Variants in GALNT11 observed in about 807,000 individuals in gnomAD.
GALNT11 encodes polypeptide N-acetylgalactosaminyltransferase 11, also known as UDP-GalNAc:polypeptide N-acetylgalactosaminyltransferase 11.
GALNT11 carries 47 observed loss-of-function variants against 72.7 expected under a neutral mutation model. That is an observed-to-expected ratio of 0.65 (90% CI 0.51 to 0.82). GALNT11 has a LOEUF of 0.82. GALNT11 is among the 40% of genes least tolerant of loss of function. The pLI is 0.00. For synonymous variants in GALNT11, 270 were observed against 286.6 expected (o/e 0.94, Z 0.58); for missense variants, 677 against 778.4 (o/e 0.87, Z 1.55).
At chr7:152,084,675 A>G (rs1296024030) in intron 1 of GALNT11, among the ~76,000 whole-genome samples, 1 of 152,170 alleles carries the variant, frequency 6.6e-6, no homozygotes, top group African/African-American at 2.4e-5. Flanking sequence ...ACTCTTCTCT[A>G]AGATTTCGCA....
intron 1 of GALNT11, among the ~76,000 whole-genome samples, chr7:152,031,711 A>G (rs1052321621): frequency 2.0e-5 from 3 of 152,206 alleles, no homozygotes; most frequent in Non-Finnish European, 4.4e-5. Flanking sequence ...TCTGTGATGT[A>G]TAAAGAGAAG....
chr7:152,121,751 C>T lies in GALNT11; in HGVS notation c.*74C>T. Reference sequence around the variant, plus strand: ...GTGGAGTTTGGGGCTTTAGGAAAGCCTGGGTTGGGTGGAGCAGAACCATCT... The same window carrying T: ...GTGGAGTTTGGGGCTTTAGGAAAGCTTGGGTTGGGTGGAGCAGAACCATCT... On this transcript the variant is annotated 3_prime_UTR_variant, in exon 12 of 12. Coordinates refer to ENST00000430044, the MANE Select transcript of GALNT11 (RefSeq NM_022087.4). The T allele has an allele frequency of 1.9e-6, 3 of 1,553,720 alleles. No individual in the cohort carries two copies. The highest frequency in any genetic ancestry group is 2.6e-6 in the Non-Finnish European group (3 of 1,145,198).
At chr7:152,030,818 T>C (rs2082272957) in intron 1 of GALNT11, among the ~76,000 whole-genome samples, 1 of 152,192 alleles carries the variant, frequency 6.6e-6, no homozygotes, top group Admixed American at 6.5e-5. Context: ...TCTCTGATTT[T>C]CTGTTTCTTT....
chr7:152,118,917 C>T (rs2089155298), intron 10 of GALNT11, 135 bp downstream of exon 10: 13 of 607,596 alleles, frequency 2.1e-5, no homozygotes, highest in Non-Finnish European at 3.0e-5. Context: ...TGTAGTGTTG[C>T]GTTATTGGAA....
intron 1 of GALNT11, among the ~76,000 whole-genome samples, chr7:152,063,412 G>C (rs901015432): frequency 2.0e-5 from 3 of 152,124 alleles, no homozygotes; most frequent in Non-Finnish European, 2.9e-5. Flanking sequence ...CAAAAAACCA[G>C]CTCCTGGATT....
intron 1 of GALNT11, among the ~76,000 whole-genome samples, chr7:152,029,351 C>T (rs985756826): frequency 6.6e-6 from 1 of 152,156 alleles, no homozygotes; most frequent in Non-Finnish European, 1.5e-5. Context: ...TATTCCAGTT[C>T]CTGTAGCAGT....
intron 1 of GALNT11, among the ~76,000 whole-genome samples, chr7:152,058,089 G>C (rs2083788067): frequency 6.6e-6 from 1 of 151,980 alleles, no homozygotes; most frequent in Non-Finnish European, 1.5e-5. Context: ...ACATTTTTTG[G>C]GGGGGTGCAT....
At chr7:152,089,643 C>A (rs1395321978) in intron 1 of GALNT11, among the ~76,000 whole-genome samples, 2 of 152,174 alleles carry the variant, frequency 1.3e-5, no homozygotes, top group Non-Finnish European at 2.9e-5. Flanking sequence ...GGGGCATAGG[C>A]TGCGAGCTGG....
chr7:152,084,017 T>C (rs1333573104), intron 1 of GALNT11, among the ~76,000 whole-genome samples: 5 of 152,232 alleles, frequency 3.3e-5, no homozygotes, highest in African/African-American at 1.2e-4. Flanking sequence ...GAAATCAATG[T>C]TATGTTCATT....
intron 1 of GALNT11, among the ~76,000 whole-genome samples, chr7:152,032,507 G>A (rs960991160): frequency 5.3e-5 from 8 of 151,030 alleles, no homozygotes; most frequent in Non-Finnish European, 1.0e-4. Flanking sequence ...CTGACCGTTC[G>A]GTTTTTGTAC....
chr7:152,033,516 G>A (rs373406348), intron 1 of GALNT11, among the ~76,000 whole-genome samples: 29 of 152,242 alleles, frequency 1.9e-4, no homozygotes, highest in African/African-American at 5.8e-4. Context: ...TGATATCCAC[G>A]GCTGATTGGG....
At chr7:152,050,618 G>A (rs545078845) in intron 1 of GALNT11, among the ~76,000 whole-genome samples, 1 of 152,128 alleles carries the variant, frequency 6.6e-6, no homozygotes, top group Non-Finnish European at 1.5e-5. Flanking sequence ...CACTCCCTTG[G>A]TGGTCCTGCT....
intron 8 of GALNT11, among the ~76,000 whole-genome samples, chr7:152,114,692 G>A (rs1334016406): frequency 2.0e-5 from 3 of 152,052 alleles, no homozygotes; most frequent in African/African-American, 4.8e-5. Flanking sequence ...TCAGCCTCCC[G>A]AGTAGCTGGG....
rs564539346 is a variant in GALNT11, at chr7:152,028,549, C to T, written c.-39+2665C>T. Among the ~76,000 whole-genome samples, 4 of 151,912 alleles carry T rather than the reference C, an allele frequency of 2.6e-5. No individual in the cohort carries two copies. In the South Asian group the frequency reaches 8.3e-4, roughly 32 times the overall value. On this transcript the variant is annotated intron_variant, in intron 1 of 11. Coordinates refer to ENST00000430044, the MANE Select transcript of GALNT11 (RefSeq NM_022087.4). ...CCTACCCGATTAGCTAGACACAGAG[C>T]ACTGATTGGTGTGTTTACAAACCTT...
rs6942391 is a variant in GALNT11, at chr7:152,055,569, A to G, written c.-39+29685A>G. Among the ~76,000 whole-genome samples, 328 of 133,510 alleles carry G rather than the reference A, an allele frequency of 2.5e-3. 1 individual carries two copies. The highest frequency in any genetic ancestry group is 0.019 in the Middle Eastern group (5 of 268). The allele number at this position is 133,510 out of a possible 152,430, so 87.6% of individuals were successfully genotyped here. A position where few individuals can be genotyped will look rare whatever the true frequency, so the allele number is the denominator to read the frequency against. On this transcript the variant is annotated intron_variant, in intron 1 of 11. Coordinates refer to ENST00000430044, the MANE Select transcript of GALNT11 (RefSeq NM_022087.4). ...TGTGTGTGTGTGTGTGTGTGTGTGT[A>G]TATATACATATATATATATACACAC...
intron 1 of GALNT11, among the ~76,000 whole-genome samples, chr7:152,027,434 C>T (rs192590910): frequency 3.0e-4 from 45 of 152,226 alleles, no homozygotes; most frequent in Admixed American, 8.5e-4. Context: ...GTTTGAACCC[C>T]GATGACGCAC....
intron 1 of GALNT11, among the ~76,000 whole-genome samples, chr7:152,069,037 G>A (rs1225157356): frequency 9.9e-5 from 15 of 152,172 alleles, no homozygotes; most frequent in Admixed American, 9.8e-4. Flanking sequence ...GTTTTCAGAA[G>A]TGCAAGCTTA....
In GALNT11 at chr7:152,122,173, A is replaced by T. The variant is rs2089470311; in HGVS notation, c.*496A>T. The T allele has an allele frequency of 6.6e-6, 1 of 152,204 alleles. No individual in the cohort carries two copies. Among genetic ancestry groups the T allele is most frequent in the Non-Finnish European group, 1.5e-5 (1 of 68,156 alleles). 9.4% of individuals were successfully genotyped at this position (152,204 alleles called of 1,614,324 possible). ...GAGATAGTGCTTTAAAAAAAAAAAA[A>T]ACTTCTATTATTTGTTTAGTATGTT... On this transcript the variant is annotated 3_prime_UTR_variant, in exon 12 of 12. Transcript: ENST00000430044.
rs76079233 is a variant in GALNT11, at chr7:152,107,938, G to A, written c.713-100G>A. 3,303 of 1,393,088 alleles carry A rather than the reference G, an allele frequency of 2.4e-3. 80 individuals carry two copies. The African/African-American group carries it at 0.042, about 18-fold the overall frequency. 86.3% of individuals were successfully genotyped at this position (1,393,088 alleles called of 1,614,324 possible). ...GTCTGGGGCTGGGAGGGTGGCAGTC[G>A]TGTTTCATGCTGTGTCAGCGCGTCA... is the stretch of plus-strand genomic sequence containing the variant. On this transcript the variant is annotated intron_variant, in intron 5 of 11. Transcript: ENST00000430044.
Sources: gnomAD v4.1 joint callset for allele counts (sites outside exome capture counted in the v4.1 genomes callset) on GRCh38, gnomAD v4.1.1 for gene constraint, MANE v1.5 for transcripts, NCBI Gene and HGNC (gene_info 2026-07-23, HGNC 2026-07-21) for gene names.